Variants in PIK3CD observed in about 807,000 individuals in gnomAD.
PIK3CD encodes phosphatidylinositol-4,5-bisphosphate 3-kinase catalytic subunit delta, also known as phosphatidylinositol 4,5-bisphosphate 3-kinase catalytic subunit delta isoform.
Under a neutral mutation model 122.9 loss-of-function variants are expected in PIK3CD, and 20 were observed. The observed-to-expected ratio is 0.16, with a 90% confidence interval of 0.11 to 0.24. The LOEUF is 0.24. Among genes scored for constraint, PIK3CD ranks in the 10% least tolerant of loss-of-function variants. The probability of loss-of-function intolerance (pLI) is 1.00; values close to 1 mark genes in which losing one functional copy is unlikely to be tolerated. For missense variants in PIK3CD, 787 were observed against 1,406.3 expected (o/e 0.56, Z 7.04); for synonymous variants, 596 against 593.4 (o/e 1.00, Z -0.06).
intron 2 of PIK3CD, among the ~76,000 whole-genome samples, chr1:9,703,726 A>G (rs1646733466): frequency 6.6e-6 from 1 of 152,224 alleles, no homozygotes; most frequent in South Asian, 2.1e-4. Context: ...CTGCTCAGAA[A>G]GAGTATCACA....
the PIK3CD span, among the ~76,000 whole-genome samples, chr1:9,640,214 T>C: frequency 6.6e-6 from 1 of 152,166 alleles, no homozygotes; most frequent in African/African-American, 2.4e-5. Flanking sequence ...TGTCCGTTTC[T>C]TGCCCTCATC....
At chr1:9,671,298 C>T (rs1570131374) in intron 1 of PIK3CD, among the ~76,000 whole-genome samples, 1 of 152,118 alleles carries the variant, frequency 6.6e-6, no homozygotes, top group African/African-American at 2.4e-5. Flanking sequence ...AGGGTTTCAC[C>T]GTGTTGCCCA....
intron 2 of PIK3CD, among the ~76,000 whole-genome samples, chr1:9,707,854 C>T (rs566712038): frequency 1.3e-5 from 2 of 150,022 alleles, no homozygotes; most frequent in African/African-American, 4.9e-5. Flanking sequence ...AGTACAGTGG[C>T]GCGATCTCGG....
At chr1:9,675,202 G>A (rs1001504749) in intron 1 of PIK3CD, among the ~76,000 whole-genome samples, 8 of 150,896 alleles carry the variant, frequency 5.3e-5, no homozygotes, top group African/African-American at 1.5e-4. Flanking sequence ...TGGCTAACAC[G>A]GTGAAACCCC....
intron 2 of PIK3CD, among the ~76,000 whole-genome samples, chr1:9,696,222 G>A (rs140957529): frequency 3.3e-5 from 5 of 151,858 alleles, no homozygotes; most frequent in African/African-American, 7.3e-5. Context: ...TCCACCCACC[G>A]TGGCCTCCCA....
chr1:9,631,484 G>A, the PIK3CD span, among the ~76,000 whole-genome samples: 2 of 152,168 alleles, frequency 1.3e-5, no homozygotes, highest in East Asian at 1.9e-4. Context: ...GTGAAACCCC[G>A]TCTCTACTAA....
At chr1:9,699,319 A>C (rs1055799099) in intron 2 of PIK3CD, among the ~76,000 whole-genome samples, 1 of 152,160 alleles carries the variant, frequency 6.6e-6, no homozygotes, top group Non-Finnish European at 1.5e-5. Flanking sequence ...CTTGCTGTAC[A>C]TGTCCTGCAC....
Position 9,663,459 on chromosome 1 carries a change from C to A in PIK3CD, c.-138+11657C>A, listed in dbSNP as rs539243326. ...GACCCAGATGGCCATCTCAAGGGAGCATGTGGGATATCTACCTGTTGATAT... is the reference window on the plus strand; with the variant it reads ...GACCCAGATGGCCATCTCAAGGGAGAATGTGGGATATCTACCTGTTGATAT... On this transcript the variant is annotated intron_variant, in intron 1 of 23. Coordinates refer to ENST00000377346, the MANE Select transcript of PIK3CD (RefSeq NM_005026.5). Among the ~76,000 whole-genome samples, 10 of 152,310 alleles carry A rather than the reference C, an allele frequency of 6.6e-5. No individual in the cohort carries two copies. The East Asian group carries it at 1.9e-3, about 29-fold the overall frequency.
intron 2 of PIK3CD, among the ~76,000 whole-genome samples, chr1:9,705,862 G>A (rs896492637): frequency 6.6e-6 from 1 of 152,112 alleles, no homozygotes; most frequent in East Asian, 1.9e-4. Flanking sequence ...CCACAGTTCT[G>A]AGATTGCTGA....
chr1:9,632,292 G>A, the PIK3CD span, among the ~76,000 whole-genome samples: 4 of 152,150 alleles, frequency 2.6e-5, no homozygotes, highest in East Asian at 1.9e-4. Flanking sequence ...GATTGCAGGC[G>A]TGAGCCACCG....
the PIK3CD span, among the ~76,000 whole-genome samples, chr1:9,636,735 C>CTA: frequency 3.3e-5 from 5 of 152,122 alleles, no homozygotes; most frequent in Non-Finnish European, 7.4e-5. Flanking sequence ...CCAATAAGCC[C>CTA]TATGCCCCTC....
At position 9,715,041 on chromosome 1, in the gene PIK3CD, G is replaced by A. The variant is rs144410155; in HGVS notation, c.142-500G>A. On this transcript the variant is annotated intron_variant, in intron 3 of 23. Transcript: ENST00000377346. The surrounding 1 kb of genome is among the most constrained non-coding windows in gnomAD (Gnocchi z 4.1). ...AATACAAAAAATTTAGCCAGGCATG[G>A]TGGTGCATGCCTATAATCCCAGCTA... 5.3e-3 allele frequency among the ~76,000 whole-genome samples: 800 copies of A among 152,238 alleles called. 17 individuals carry two copies. Among genetic ancestry groups the A allele is most frequent in the East Asian group, 0.043 (222 of 5,168 alleles).
In PIK3CD at chr1:9,722,423, G is replaced by T. The variant is rs1300013662; in HGVS notation, c.2347+67G>T. ...GGGGGTCCTGGGGTGCTCCTAGAGT[G>T]GGGGTGGAGAAGACAGAATCCTGGG... On this transcript the variant is annotated intron_variant, in intron 18 of 23. Transcript: ENST00000377346. This position sits in a 1 kb window ranked among gnomAD's most constrained non-coding sequence, Gnocchi z 7.6. 5 of 1,546,112 alleles carry T rather than the reference G, an allele frequency of 3.2e-6. No homozygotes were observed. The highest frequency in any genetic ancestry group is 1.7e-5 in the Admixed American group (1 of 59,346).
At chr1:9,714,990 G>A (rs987433196) in intron 3 of PIK3CD, among the ~76,000 whole-genome samples, 7 of 152,010 alleles carry the variant, frequency 4.6e-5, no homozygotes, top group Non-Finnish European at 1.0e-4. Context: ...GGCCAATGTA[G>A]CGAAACCCCA....
At chr1:9,640,202 T>C in the PIK3CD span, among the ~76,000 whole-genome samples, 1 of 152,070 alleles carries the variant, frequency 6.6e-6, no homozygotes, top group African/African-American at 2.4e-5. Flanking sequence ...TCCAGTTTCA[T>C]CTGTCCGTTT....
the PIK3CD span, among the ~76,000 whole-genome samples, chr1:9,636,938 C>T: frequency 6.6e-6 from 1 of 151,728 alleles, no homozygotes; most frequent in East Asian, 1.9e-4. Flanking sequence ...CTCTCTGTCA[C>T]CCAGGCTGGA....
Position 9,723,829 on chromosome 1 carries a change from T to C in PIK3CD, c.2595-140T>C. On this transcript the variant is annotated intron_variant, in intron 20 of 23. Coordinates refer to ENST00000377346, the MANE Select transcript of PIK3CD (RefSeq NM_005026.5). This position sits in a 1 kb window ranked among gnomAD's most constrained non-coding sequence, Gnocchi z 4.9. ...TCTGGAATAGCGTCTGCAAGCGATG[T>C]CCAGCATTGTGTCCTCCATGTTCTG... The C allele has an allele frequency of 3.8e-6, 3 of 790,786 alleles. No individual in the cohort carries two copies. Among genetic ancestry groups the C allele is most frequent in the Non-Finnish European group, 2.2e-6 (1 of 456,244 alleles). The allele number at this position is 790,786 out of a possible 1,614,324, so 49.0% of individuals were successfully genotyped here.
Position 9,716,405 on chromosome 1 carries a change from C to T in PIK3CD, c.601-35C>T, listed in dbSNP as rs199708466. 3.6e-3 allele frequency: 5,780 copies of T among 1,606,576 alleles called. 20 individuals carry two copies. Among genetic ancestry groups the T allele is most frequent in the Non-Finnish European group, 4.5e-3 (5,326 of 1,176,100 alleles). On this transcript the variant is annotated intron_variant, in intron 5 of 23. Coordinates refer to ENST00000377346, the MANE Select transcript of PIK3CD (RefSeq NM_005026.5). Reference sequence around the variant, plus strand: ...TGTGCCCCAGAACCCCGGGGGGCCTCGAGGGCAGAGGACTGACCTCCCTCC... The same window carrying T: ...TGTGCCCCAGAACCCCGGGGGGCCTTGAGGGCAGAGGACTGACCTCCCTCC...
At chr1:9,686,700 CTTTA>C (rs1268852334) in intron 1 of PIK3CD, among the ~76,000 whole-genome samples, 1 of 152,162 alleles carries the variant, frequency 6.6e-6, no homozygotes, top group Non-Finnish European at 1.5e-5. Flanking sequence ...CACTAAATGA[CTTTA>C]TTTATACTCT....
Sources: gnomAD v4.1 joint callset for allele counts (sites outside exome capture counted in the v4.1 genomes callset) on GRCh38, gnomAD v4.1.1 for gene constraint, Gnocchi (gnomAD v3.1) non-coding constraint, MANE v1.5 for transcripts, NCBI Gene and HGNC (gene_info 2026-07-23, HGNC 2026-07-21) for gene names.